The following NUDCD1 variants were observed in gnomAD, a reference collection of about 807,000 sequenced individuals.
NUDCD1 encodes NudC domain containing 1.
A neutral mutation model predicts 67.8 loss-of-function variants in NUDCD1; 60 were observed. That is an observed-to-expected ratio of 0.88 (90% CI 0.72 to 1.10). The LOEUF (loss-of-function observed/expected upper bound fraction) is 1.10. Ranked by LOEUF, NUDCD1 falls within the 50% of genes least tolerant of loss-of-function variation. NUDCD1 has a pLI of 0.00. For missense variants in NUDCD1, 643 were observed against 695.0 expected (o/e 0.93, Z 0.84); for synonymous variants, 244 against 230.8 (o/e 1.06, Z -0.52).
intron 8 of NUDCD1, among the ~76,000 whole-genome samples, chr8:109,247,128 A>G (rs1223138933): frequency 3.3e-5 from 5 of 152,142 alleles, no homozygotes; most frequent in African/African-American, 1.2e-4. Context: ...GTTTATTTTC[A>G]AAGTCACCAC....
chr8:109,334,071 C>G lies in NUDCD1; in HGVS notation c.-61G>C. On this transcript the variant is annotated 5_prime_UTR_variant, in exon 1 of 10. Transcript: ENST00000239690. ...CCCTTGTTGAAAGGTCCGCGCTTCACGCCTCGCACAGAGACTGGGAAGCGG... is the reference window on the plus strand; with the variant it reads ...CCCTTGTTGAAAGGTCCGCGCTTCAGGCCTCGCACAGAGACTGGGAAGCGG... 1 of 1,606,724 alleles carries G rather than the reference C, an allele frequency of 6.2e-7. No individual in the cohort carries two copies.
chr8:109,294,413 GA>G (rs1404165278), intron 3 of NUDCD1, among the ~76,000 whole-genome samples: 3 of 151,660 alleles, frequency 2.0e-5, no homozygotes, highest in African/African-American at 7.3e-5. Context: ...TCCATAAACA[GA>G]AAAAACAAAA....
At position 109,275,499 on chromosome 8, in the gene NUDCD1, A is replaced by C; in HGVS notation, c.1029-3T>G. 6.2e-7 allele frequency: 1 copy of C among 1,607,450 alleles called. No homozygotes were observed. The highest frequency in any genetic ancestry group is 8.5e-7 in the Non-Finnish European group (1 of 1,176,876). On this transcript the variant is annotated splice_polypyrimidine_tract_variant and splice_region_variant and intron_variant, in intron 6 of 9. Coordinates refer to ENST00000239690, the MANE Select transcript of NUDCD1 (RefSeq NM_032869.4). ...TCTTAATCAAGGAAATCTCCAAGCT[A>C]GAAGTTTAAATGGGAAAAGTAATGT...
At chr8:109,317,981 C>T (rs1431397973) in intron 2 of NUDCD1, among the ~76,000 whole-genome samples, 1 of 152,026 alleles carries the variant, frequency 6.6e-6, no homozygotes, top group Non-Finnish European at 1.5e-5. Flanking sequence ...ATATAAGTTA[C>T]CTGAACTTAT....
chr8:109,266,131 GA>G (rs1436707649), intron 8 of NUDCD1, among the ~76,000 whole-genome samples: 2 of 137,874 alleles, frequency 1.5e-5, no homozygotes, highest in African/African-American at 5.8e-5. Flanking sequence ...AGCATTAAAA[GA>G]AACTGGATAA....
chr8:109,270,945 C>G, intron 8 of NUDCD1, 60 bp downstream of exon 8: 1 of 1,103,458 alleles, frequency 9.1e-7, no homozygotes, highest in Admixed American at 2.2e-5. Context: ...CATATTTAGA[C>G]CAATCATTAT....
intron 2 of NUDCD1, among the ~76,000 whole-genome samples, chr8:109,311,715 A>G (rs1815256545): frequency 2.0e-5 from 3 of 151,892 alleles, no homozygotes; most frequent in Admixed American, 2.0e-4. Flanking sequence ...AGTGGGAGCT[A>G]AGCTATGAGG....
intron 2 of NUDCD1, among the ~76,000 whole-genome samples, chr8:109,311,063 C>A (rs1404189386): frequency 6.6e-6 from 1 of 152,104 alleles, no homozygotes; most frequent in Non-Finnish European, 1.5e-5. Context: ...ATCCGCCTGC[C>A]TCAGCCTCCC....
At chr8:109,273,304 G>T (rs1162366087) in intron 7 of NUDCD1, among the ~76,000 whole-genome samples, 1 of 152,068 alleles carries the variant, frequency 6.6e-6, no homozygotes, top group East Asian at 1.9e-4. Context: ...TGCCTTAGGT[G>T]TAAGAATAAA....
intron 8 of NUDCD1, among the ~76,000 whole-genome samples, chr8:109,259,022 A>G (rs2129908135): frequency 6.6e-6 from 1 of 152,344 alleles, no homozygotes; most frequent in Non-Finnish European, 1.5e-5. Flanking sequence ...CTGAACTTTA[A>G]GCTGCTGGGA....
chr8:109,315,271 C>G (rs1441614693), intron 2 of NUDCD1: 2 of 152,084 alleles, frequency 1.3e-5, no homozygotes, highest in Non-Finnish European at 2.9e-5. Context: ...CAAGGTCTTT[C>G]TGGCCTCCCC....
chr8:109,320,173 A>C (rs112261840), intron 2 of NUDCD1, among the ~76,000 whole-genome samples: 2 of 152,304 alleles, frequency 1.3e-5, no homozygotes, highest in South Asian at 4.1e-4. Context: ...ATCAGGAGAC[A>C]GGGTTTTGAG....
chr8:109,328,401 T>C (rs1378298220), intron 1 of NUDCD1, among the ~76,000 whole-genome samples: 2 of 152,290 alleles, frequency 1.3e-5, no homozygotes, highest in African/African-American at 2.4e-5. Flanking sequence ...GCTACTACTC[T>C]GTCATTAGAC....
chr8:109,286,060 A>ATAT (rs1814568638), intron 5 of NUDCD1, among the ~76,000 whole-genome samples: 1 of 151,838 alleles, frequency 6.6e-6, no homozygotes, highest in Non-Finnish European at 1.5e-5. Context: ...GCTGCCAATA[A>ATAT]TAATAATAAT....
chr8:109,300,409 C>A (rs920712766), intron 2 of NUDCD1, among the ~76,000 whole-genome samples: 8 of 151,918 alleles, frequency 5.3e-5, no homozygotes, highest in Non-Finnish European at 1.2e-4. Context: ...AAAAAACAAT[C>A]AAAACTTTAG....
chr8:109,291,838 G>A (rs990217406), intron 4 of NUDCD1, among the ~76,000 whole-genome samples: 9 of 152,128 alleles, frequency 5.9e-5, no homozygotes, highest in African/African-American at 2.2e-4. Context: ...AATTTGATGA[G>A]TTACCACAGA....
intron 5 of NUDCD1, among the ~76,000 whole-genome samples, chr8:109,288,828 ATC>A (rs1814631961): frequency 6.6e-6 from 1 of 152,162 alleles, no homozygotes; most frequent in African/African-American, 2.4e-5. Context: ...TATTATAAAA[ATC>A]TCTGTTAAAT....
chr8:109,322,303 T>C lies in NUDCD1; in HGVS notation c.273+6A>G. 6.9e-7 allele frequency: 1 copy of C among 1,452,254 alleles called. No homozygotes were observed. The highest frequency in any genetic ancestry group is 1.2e-5 in the South Asian group (1 of 82,468). The allele number at this position is 1,452,254 out of a possible 1,614,324, so 90.0% of individuals were successfully genotyped here. A position where few individuals can be genotyped will look rare whatever the true frequency, so the allele number is the denominator to read the frequency against. On this transcript the variant is annotated splice_donor_region_variant and intron_variant, in intron 2 of 9. Coordinates refer to ENST00000239690, the MANE Select transcript of NUDCD1 (RefSeq NM_032869.4). ...ATATTAATTATTACATACATGTTTCTCTTACCAGCATTACTGTTAAATTCA... is the reference window on the plus strand; with the variant it reads ...ATATTAATTATTACATACATGTTTCCCTTACCAGCATTACTGTTAAATTCA...
chr8:109,322,113 G>GT (rs1815554029), intron 2 of NUDCD1, among the ~76,000 whole-genome samples, 196 bp downstream of exon 2: 1 of 152,056 alleles, frequency 6.6e-6, no homozygotes, highest in Non-Finnish European at 1.5e-5. Flanking sequence ...GTGGAGGTGA[G>GT]TAAGTGTAAA....
Sources: allele counts gnomAD v4.1 joint callset (sites outside exome capture counted in the v4.1 genomes callset), GRCh38; gene constraint gnomAD v4.1.1; transcripts MANE v1.5; gene names NCBI Gene and HGNC (gene_info 2026-07-23, HGNC 2026-07-21).